Variants in GIGYF2 observed in about 807,000 individuals in gnomAD.
The protein encoded by GIGYF2 is GRB10-interacting GYF protein 2.
Under a neutral mutation model 208.1 loss-of-function variants are expected in GIGYF2, and 25 were observed. The observed-to-expected ratio is 0.12, with a 90% CI of 0.09 to 0.17. The LOEUF is 0.17. Among genes scored for constraint, GIGYF2 ranks in the 10% least tolerant of loss-of-function variants. The pLI is 1.00. For synonymous variants in GIGYF2, 534 were observed against 543.8 expected, an observed-to-expected ratio of 0.98 and a Z score of 0.25; for missense variants, 1,302 against 1,579.4, an observed-to-expected ratio of 0.82 and a Z score of 2.98.
rs1451835408 is a variant in GIGYF2, at chr2:232,856,946, C to T, written c.*86C>T. 10 of 874,516 alleles carry T rather than the reference C, an allele frequency of 1.1e-5. No homozygotes were observed. The highest frequency in any genetic ancestry group is 1.7e-5 in the Admixed American group (1 of 59,008). 54.2% of individuals were successfully genotyped at this position (874,516 alleles called of 1,614,324 possible). A position where few individuals can be genotyped will look rare whatever the true frequency, so the allele number is the denominator to read the frequency against. ...GGACACAACACTTACTCACCATTTACTCTTTATCACTCTGCAACAAATCAC... is the reference window on the plus strand; with the variant it reads ...GGACACAACACTTACTCACCATTTATTCTTTATCACTCTGCAACAAATCAC... On this transcript the variant is annotated 3_prime_UTR_variant, in exon 29 of 29. Transcript: ENST00000373563.
At chr2:232,825,358 A>C (rs1324927380) in intron 21 of GIGYF2, among the ~76,000 whole-genome samples, 1 of 152,208 alleles carries the variant, frequency 6.6e-6, no homozygotes, top group Non-Finnish European at 1.5e-5. Context: ...AGGAAGTCAA[A>C]ATGTCAACAT....
At position 232,857,204 on chromosome 2, in the gene GIGYF2, G is replaced by A; in HGVS notation, c.*344G>A. 2.7e-6 allele frequency: 1 copy of A among 368,162 alleles called. No individual in the cohort carries two copies. The highest frequency in any genetic ancestry group is 5.0e-6 in the Non-Finnish European group (1 of 198,948). The allele number at this position is 368,162 out of a possible 1,614,324, so 22.8% of individuals were successfully genotyped here. A position where few individuals can be genotyped will look rare whatever the true frequency, so the allele number is the denominator to read the frequency against. On this transcript the variant is annotated 3_prime_UTR_variant, in exon 29 of 29. Transcript: ENST00000373563. Reference sequence around the variant, plus strand: ...TGTTGGGATCGGCCATTAGCAGCTTGCTTTCTCTTGTCACTTTTTTTCTTC... The same window carrying A: ...TGTTGGGATCGGCCATTAGCAGCTTACTTTCTCTTGTCACTTTTTTTCTTC...
At position 232,760,697 on chromosome 2, in the gene GIGYF2, TA is replaced by T; in HGVS notation, c.491+112del. 4.1e-6 allele frequency: 3 copies of T among 724,272 alleles called. 1 individual carries two copies. In the East Asian group the frequency reaches 8.2e-5, roughly 20 times the overall value. The allele number at this position is 724,272 out of a possible 1,614,324, so 44.9% of individuals were successfully genotyped here. ...TTTGTACAGTTAAAGGGTTTCATTT[TA>T]AAAAATGCTCTTAAGTATTGAACAT... On this transcript the variant is annotated intron_variant, in intron 7 of 28. Transcript: ENST00000373563.
At chr2:232,813,355 G>A (rs536854968) in intron 18 of GIGYF2, among the ~76,000 whole-genome samples, 1 of 106,790 alleles carries the variant, frequency 9.4e-6, no homozygotes. Context: ...CTGACTGGGT[G>A]TACGCTATCA....
At chr2:232,789,162 G>C (rs1169612471) in intron 9 of GIGYF2, among the ~76,000 whole-genome samples, 2 of 152,134 alleles carry the variant, frequency 1.3e-5, no homozygotes, top group Non-Finnish European at 2.9e-5. Context: ...TACCTTGCAT[G>C]TCTTACTTGC....
intron 2 of GIGYF2, among the ~76,000 whole-genome samples, chr2:232,720,583 A>ATTTTTTT (rs1553605416): frequency 2.8e-4 from 40 of 144,978 alleles, no homozygotes; most frequent in South Asian, 2.1e-3. Context: ...ATATATATAT[A>ATTTTTTT]TTTTTGTTTG....
intron 8 of GIGYF2, chr2:232,768,440 A>G (rs957867680): frequency 6.2e-7 from 1 of 1,614,232 alleles, no homozygotes; most frequent in African/African-American, 1.3e-5. Context: ...ATATTTCTCC[A>G]GTGCCCTCCT....
At chr2:232,764,174 A>G (rs1698856727) in intron 8 of GIGYF2, among the ~76,000 whole-genome samples, 1 of 152,242 alleles carries the variant, frequency 6.6e-6, no homozygotes. Flanking sequence ...GGGGCATTTT[A>G]ACAGCAGAAA....
chr2:232,732,717 T>C (rs1697557881), intron 2 of GIGYF2, among the ~76,000 whole-genome samples: 2 of 151,738 alleles, frequency 1.3e-5, no homozygotes, highest in South Asian at 2.1e-4. Flanking sequence ...CACGACTCAT[T>C]GTAGTCTCAA....
At chr2:232,771,060 C>T in intron 8 of GIGYF2, 1 of 1,614,076 alleles carries the variant, frequency 6.2e-7, no homozygotes, top group Non-Finnish European at 8.5e-7. Context: ...TGGTGATATA[C>T]TTGACACAGA....
intron 8 of GIGYF2, chr2:232,771,046 A>T: frequency 1.2e-6 from 2 of 1,614,006 alleles, no homozygotes; most frequent in East Asian, 4.5e-5. Context: ...TGCAGCTGTG[A>T]AACTGGTGAT....
chr2:232,717,253 A>G (rs902605162), intron 2 of GIGYF2, among the ~76,000 whole-genome samples: 1 of 152,182 alleles, frequency 6.6e-6, no homozygotes, highest in Non-Finnish European at 1.5e-5. Flanking sequence ...TTGAGGTTAC[A>G]GTGGGCTATG....
At chr2:232,753,839 T>C (rs1698425427) in intron 5 of GIGYF2, among the ~76,000 whole-genome samples, 2 of 152,140 alleles carry the variant, frequency 1.3e-5, no homozygotes, top group Non-Finnish European at 1.5e-5. Flanking sequence ...CATAGGACAT[T>C]GCAGTTTTTG....
intron 25 of GIGYF2, among the ~76,000 whole-genome samples, chr2:232,844,782 A>G (rs966802906): frequency 6.6e-6 from 1 of 152,210 alleles, no homozygotes; most frequent in South Asian, 2.1e-4. Context: ...GCTCCTGCTG[A>G]GCACTTATTC....
At chr2:232,732,631 A>AT (rs1165388954) in intron 2 of GIGYF2, among the ~76,000 whole-genome samples, 1 of 149,980 alleles carries the variant, frequency 6.7e-6, no homozygotes, top group Non-Finnish European at 1.5e-5. Context: ...TTTTATTTTA[A>AT]TTTTTTTAAT....
chr2:232,831,830 C>CT (rs1359562503), intron 21 of GIGYF2, among the ~76,000 whole-genome samples: 1 of 152,210 alleles, frequency 6.6e-6, no homozygotes, highest in Admixed American at 6.5e-5. Context: ...TTCTCTCATG[C>CT]TTTCTTCCTT....
At chr2:232,794,539 T>C (rs1332412165) in intron 12 of GIGYF2, among the ~76,000 whole-genome samples, 2 of 152,204 alleles carry the variant, frequency 1.3e-5, no homozygotes, top group Non-Finnish European at 2.9e-5. Flanking sequence ...AGATACCTTT[T>C]AACTCTTACC....
intron 7 of GIGYF2, 21 bp downstream of exon 7, chr2:232,760,612 G>A: frequency 6.7e-7 from 1 of 1,491,994 alleles, no homozygotes; most frequent in Non-Finnish European, 9.4e-7. Context: ...CCACATATTG[G>A]CATAAAAATT....
intron 3 of GIGYF2, among the ~76,000 whole-genome samples, chr2:232,739,892 G>T (rs551372001): frequency 6.5e-5 from 9 of 138,694 alleles, no homozygotes; most frequent in African/African-American, 2.4e-4. Context: ...TTGAGGTCAA[G>T]AGTTTGAGAC....
Sources: allele counts gnomAD v4.1 joint callset (sites outside exome capture counted in the v4.1 genomes callset), GRCh38; gene constraint gnomAD v4.1.1; transcripts MANE v1.5; gene names NCBI Gene and HGNC (gene_info 2026-07-23, HGNC 2026-07-21).